The following FSIP2 variants were observed in gnomAD, a reference collection of about 807,000 sequenced individuals.
FSIP2 encodes fibrous sheath interacting protein 2.
A neutral mutation model predicts 510.5 loss-of-function variants in FSIP2; 367 were observed. The observed-to-expected ratio is 0.72, with a 90% CI of 0.66 to 0.78. The LOEUF is 0.78. Ranked by LOEUF, FSIP2 falls within the 30% of genes least tolerant of loss-of-function variation. The pLI is 0.00. For missense variants in FSIP2, 7,594 were observed against 7,901.7 expected (o/e 0.96, Z 1.48); for synonymous variants, 2,601 against 2,732.2 (o/e 0.95, Z 1.50).
At chr2:185,774,175 G>A (rs941794289) in intron 13 of FSIP2, among the ~76,000 whole-genome samples, 3 of 151,904 alleles carry the variant, frequency 2.0e-5, no homozygotes, top group Non-Finnish European at 4.4e-5. Flanking sequence ...ATTTGCCTGG[G>A]TATCACACTA....
rs1456327365 is a variant in FSIP2, at chr2:185,795,235, A to T, written c.8099A>T (p.Lys2700Met). ...KSKTKLGPGE[K>M]TLKDSRSKTA... ...AAAACCAAGTTAGGTCCTGGAGAGA[A>T]GACCCTAAAAGACAGCAGATCCAAG... The change falls in exon 16 of 23, where the codon AAG (lysine) becomes ATG (methionine). Residue 2700 changes from lysine (K) to methionine (M), a missense_variant. Transcript: ENST00000424728. The T allele has an allele frequency of 1.8e-5, 27 of 1,535,172 alleles. No homozygotes were observed. The East Asian group carries it at 6.6e-4, about 38-fold the overall frequency.
At position 185,794,351 on chromosome 2, in the gene FSIP2, T is replaced by C; in HGVS notation, c.7215T>C (p.Ser2405=). The change falls in exon 16 of 23, where the codon TCT becomes TCC. Residue 2405 remains serine, a synonymous_variant. Transcript: ENST00000424728. ...TAAAGATGTTAGATGATAAAAGATC[T>C]GTAAAGGAAATTTGTTTTAATTCAA... is the stretch of plus-strand genomic sequence containing the variant. ...SMLKMLDDKR[S]VKEICFNSKE... 1 of 1,515,886 alleles carries C rather than the reference T, an allele frequency of 6.6e-7. No homozygotes were observed. The allele number at this position is 1,515,886 out of a possible 1,614,324, so 93.9% of individuals were successfully genotyped here.
rs184963416 is a variant in FSIP2 at position 185,745,503 on chromosome 2, C to G, written c.552C>G (p.Val184=). ...QIPQHCDVAQ[V]QNWLLKEGTE... is the part of the protein sequence containing the mutation. ...CTCAACATTGTGATGTTGCACAAGT[C>G]CAAAACTGGTTGTTAAAGGAGGGCA... Residue 184 remains valine (V), a synonymous_variant, in exon 5 of 23, where the codon GTC becomes GTG. Coordinates refer to ENST00000424728, the MANE Select transcript of FSIP2 (RefSeq NM_173651.4). The G allele has an allele frequency of 6.5e-7, 1 of 1,535,154 alleles. No individual in the cohort carries two copies. Among genetic ancestry groups the G allele is most frequent in the Non-Finnish European group, 8.7e-7 (1 of 1,146,270 alleles).
In FSIP2 at chr2:185,753,703, AT is replaced by A. The variant is rs759421506; in HGVS notation, c.871-15del. 3.0e-6 allele frequency: 3 copies of A among 1,004,980 alleles called. No homozygotes were observed. In the South Asian group the frequency reaches 5.0e-5, roughly 17 times the overall value. The allele number at this position is 1,004,980 out of a possible 1,614,324, so 62.3% of individuals were successfully genotyped here. A position where few individuals can be genotyped will look rare whatever the true frequency, so the allele number is the denominator to read the frequency against. On this transcript the variant is annotated intron_variant, in intron 7 of 22. Coordinates refer to ENST00000424728, the MANE Select transcript of FSIP2 (RefSeq NM_173651.4). ...ATGGCAAGTTAATATTAACCAATAT[AT>A]TTTCTTTAATATTGTAGAAACAAGA...
chr2:185,819,237 A>G (rs528382358), intron 19 of FSIP2, among the ~76,000 whole-genome samples: 1 of 152,068 alleles, frequency 6.6e-6, no homozygotes, highest in Admixed American at 6.6e-5. Flanking sequence ...ATGTGTCACT[A>G]AAAAGTTCAA....
chr2:185,744,249 T>C (rs943185388), intron 3 of FSIP2, 73 bp from the exon 4 acceptor site: 1 of 268,768 alleles, frequency 3.7e-6, no homozygotes, highest in African/African-American at 2.2e-5. Flanking sequence ...TAAAAATATA[T>C]TTAAAATATT....
rs1693468600 is a variant in FSIP2 at position 185,802,697 on chromosome 2, T to C, written c.13391T>C (p.Leu4464Pro). 1 of 1,527,606 alleles carries C rather than the reference T, an allele frequency of 6.5e-7. No individual in the cohort carries two copies. Among genetic ancestry groups the C allele is most frequent in the Non-Finnish European group, 8.7e-7 (1 of 1,143,500 alleles). 94.6% of individuals were successfully genotyped at this position (1,527,606 alleles called of 1,614,324 possible). ...SQSVPLYNTL[L>P]PYTFLEDMIR... ...AGTGTACCTCTATATAACACCTTGC[T>C]GCCATACACATTTTTAGAAGATATG... The change falls in exon 17 of 23, where the codon CTG becomes CCG. Residue 4464 changes from leucine to proline, a missense_variant. By Grantham distance (98) the Leu-to-Pro change is moderately conservative. Coordinates refer to ENST00000424728, the MANE Select transcript of FSIP2 (RefSeq NM_173651.4).
chr2:185,786,215 T>C (rs1160790361), intron 14 of FSIP2, 37 bp from the exon 15 acceptor site: 2 of 1,385,802 alleles, frequency 1.4e-6, no homozygotes, highest in Non-Finnish European at 1.9e-6. Flanking sequence ...AATTTTTGAC[T>C]CTATGTAATA....
At chr2:185,786,190 G>T in intron 14 of FSIP2, 62 bp from the exon 15 acceptor site, 1 of 1,033,588 alleles carries the variant, frequency 9.7e-7, no homozygotes, top group Non-Finnish European at 1.4e-6. Flanking sequence ...TAGAAATTTT[G>T]GGAAAAGTTT....
chr2:185,758,863 G>T (rs1692295983), intron 9 of FSIP2, among the ~76,000 whole-genome samples: 2 of 151,134 alleles, frequency 1.3e-5, no homozygotes, highest in East Asian at 1.9e-4. Context: ...CTTCATTTTT[G>T]TGGCTTTATA....
chr2:185,777,422 C>G (rs1285855002), intron 13 of FSIP2, among the ~76,000 whole-genome samples: 1 of 134,144 alleles, frequency 7.5e-6, no homozygotes, highest in Non-Finnish European at 1.6e-5. Flanking sequence ...GCACTCTTCC[C>G]TTTCCTAAGA....
rs749414542 is a variant in FSIP2, at chr2:185,763,281, A to G, written c.1339A>G (p.Lys447Glu). The G allele has an allele frequency of 6.4e-6, 9 of 1,400,678 alleles. No individual in the cohort carries two copies. In the African/African-American group the frequency reaches 8.6e-5, roughly 13 times the overall value. 86.8% of individuals were successfully genotyped at this position (1,400,678 alleles called of 1,614,324 possible). A position where few individuals can be genotyped will look rare whatever the true frequency, so the allele number is the denominator to read the frequency against. The change falls in exon 12 of 23, where the codon AAA (lysine) becomes GAA (glutamate). Residue 447 changes from lysine (K) to glutamate (E), a missense_variant. Lys to Glu is a moderately conservative substitution (Grantham distance 56, BLOSUM62 1). Transcript: ENST00000424728. ...TTCACAGGCATTTTTGGATCCTTCAAAAGAAGAGGTATATAACAGTTCTTT... is the reference window on the plus strand; with the variant it reads ...TTCACAGGCATTTTTGGATCCTTCAGAAGAAGAGGTATATAACAGTTCTTT... ...RVSQAFLDPS[K>E]EEKETNADWD...
In FSIP2 at chr2:185,806,979, A is replaced by G; in HGVS notation, c.17673A>G (p.Pro5891=). The G allele has an allele frequency of 6.2e-7, 1 of 1,608,838 alleles. No individual in the cohort carries two copies. The highest frequency in any genetic ancestry group is 8.5e-7 in the Non-Finnish European group (1 of 1,178,102). Residue 5891 remains proline, a synonymous_variant, in exon 17 of 23, where the codon CCA becomes CCG. Transcript: ENST00000424728. ...AGATAAAATCTGCAGATAAAATGCC[A>G]CCTATGCATAAAATGATGAGAAAAC... is the stretch of plus-strand genomic sequence containing the variant. ...SIKIKSADKM[P]PMHKMMRKPS... is the part of the protein sequence containing the mutation.
At position 185,804,882 on chromosome 2, in the gene FSIP2, C is replaced by A; in HGVS notation, c.15576C>A (p.Asp5192Glu). 6.6e-7 allele frequency: 1 copy of A among 1,524,142 alleles called. No homozygotes were observed. The highest frequency in any genetic ancestry group is 8.8e-7 in the Non-Finnish European group (1 of 1,142,094). The allele number at this position is 1,524,142 out of a possible 1,614,324, so 94.4% of individuals were successfully genotyped here. A position where few individuals can be genotyped will look rare whatever the true frequency, so the allele number is the denominator to read the frequency against. The change falls in exon 17 of 23, where the codon GAC (aspartate) becomes GAA (glutamate). Residue 5192 changes from aspartate (D) to glutamate (E), a missense_variant. Coordinates refer to ENST00000424728, the MANE Select transcript of FSIP2 (RefSeq NM_173651.4). ...TAGAACCTATTGAAAATTTGGTCGA[C>A]TCCATATGTAATAATATTTTGAAAA... ...MQLEPIENLV[D>E]SICNNILKTS...
rs746918979 is a variant in FSIP2, at chr2:185,805,684, A to G, written c.16378A>G (p.Ser5460Gly). ...CACCCCAGATTGCAAAAACATGATGAGCACTTTGGAAATAAATAGAGGTAC... is the reference window on the plus strand; with the variant it reads ...CACCCCAGATTGCAAAAACATGATGGGCACTTTGGAAATAAATAGAGGTAC... ...SSTPDCKNMMSTLEINRGTMN... is the reference protein window; with the variant it reads ...SSTPDCKNMMGTLEINRGTMN... The change falls in exon 17 of 23, where the codon AGC (serine) becomes GGC (glycine). Residue 5460 changes from serine to glycine, a missense_variant. By Grantham distance (56) the Ser-to-Gly change is moderately conservative (BLOSUM62 0). Coordinates refer to ENST00000424728, the MANE Select transcript of FSIP2 (RefSeq NM_173651.4). 8 of 1,610,826 alleles carry G rather than the reference A, an allele frequency of 5.0e-6. 1 individual carries two copies. The South Asian group carries it at 8.8e-5, about 18-fold the overall frequency.
rs1694140348 is a variant in FSIP2, at chr2:185,833,207, C to T, written c.20705C>T (p.Ala6902Val). ...NTNISRSSSP[A>V]HQDEH ...AATATTTCCAGATCTTCCTCACCAGCTCACCAGGATGAACACTGAAGCTTT... is the reference window on the plus strand; with the variant it reads ...AATATTTCCAGATCTTCCTCACCAGTTCACCAGGATGAACACTGAAGCTTT... Residue 6902 changes from alanine to valine, a missense_variant, in exon 23 of 23, where the codon GCT becomes GTT. Ala to Val is a moderately conservative substitution (Grantham distance 64, BLOSUM62 0). Transcript: ENST00000424728. 6.2e-7 allele frequency: 1 copy of T among 1,610,366 alleles called. No individual in the cohort carries two copies. Among genetic ancestry groups the T allele is most frequent in the African/African-American group, 1.3e-5 (1 of 74,800 alleles).
intron 21 of FSIP2, among the ~76,000 whole-genome samples, chr2:185,828,700 C>T (rs1183017773): frequency 2.0e-5 from 3 of 151,866 alleles, no homozygotes; most frequent in African/African-American, 7.2e-5. Flanking sequence ...AAAAAGCCCA[C>T]CTACTCCCCA....
chr2:185,803,771 T>C lies in FSIP2; in HGVS notation c.14465T>C (p.Leu4822Ser). The C allele has an allele frequency of 6.5e-7, 1 of 1,529,716 alleles. No individual in the cohort carries two copies. The highest frequency in any genetic ancestry group is 1.4e-5 in the African/African-American group (1 of 72,814). 94.8% of individuals were successfully genotyped at this position (1,529,716 alleles called of 1,614,324 possible). Residue 4822 changes from leucine (L) to serine (S), a missense_variant, in exon 17 of 23, where the codon TTA becomes TCA. Coordinates refer to ENST00000424728, the MANE Select transcript of FSIP2 (RefSeq NM_173651.4). ...CAGTCAGATACTACTAAATCAGACTTAAGTAATACAGTGATAAAACTGATA... is the reference window on the plus strand; with the variant it reads ...CAGTCAGATACTACTAAATCAGACTCAAGTAATACAGTGATAAAACTGATA... ...AEQSDTTKSD[L>S]SNTVIKLINE...
rs1693100795 is a variant in FSIP2, at chr2:185,790,676, G to T, written c.3540G>T (p.Lys1180Asn). Reference protein sequence around the residue: ...ITDSVLNILHKASNYISNTTK... With the variant: ...ITDSVLNILHNASNYISNTTK... ...ATTCTGTGTTAAACATACTTCATAA[G>T]GCATCAAACTACATTTCCAATACCA... The change falls in exon 16 of 23, where the codon AAG (lysine) becomes AAT (asparagine). Residue 1180 changes from lysine to asparagine, a missense_variant. Physicochemically the swap from Lys to Asn is moderately conservative, Grantham distance 94 (BLOSUM62 0). Coordinates refer to ENST00000424728, the MANE Select transcript of FSIP2 (RefSeq NM_173651.4). The T allele has an allele frequency of 6.5e-7, 1 of 1,533,710 alleles. No homozygotes were observed. The highest frequency in any genetic ancestry group is 8.7e-7 in the Non-Finnish European group (1 of 1,145,340).
Sources: allele counts gnomAD v4.1 joint callset (sites outside exome capture counted in the v4.1 genomes callset), GRCh38; gene constraint gnomAD v4.1.1; transcripts MANE v1.5; gene names NCBI Gene and HGNC (gene_info 2026-07-23, HGNC 2026-07-21).